The following TULP3 variants were observed in gnomAD, a reference collection of about 807,000 sequenced individuals.
The protein encoded by TULP3 is TUB like protein 3, also known as tubby-related protein 3.
In TULP3, 38 loss-of-function variants were observed where a neutral mutation model predicts 50.7. That is an observed-to-expected ratio of 0.75 (90% CI 0.58 to 0.98). The LOEUF is 0.98. Ranked by LOEUF, TULP3 falls within the 50% of genes least tolerant of loss-of-function variation. The pLI is 0.00. For missense variants in TULP3, 550 were observed against 568.0 expected (o/e 0.97, Z 0.32); for synonymous variants, 183 against 196.6 (o/e 0.93, Z 0.58).
At chr12:2,892,461 A>G (rs78832349) in intron 1 of TULP3, among the ~76,000 whole-genome samples, 73,653 of 150,658 alleles carry the variant, frequency 0.49, 18,644 homozygotes, top group African/African-American at 0.64. Flanking sequence ...TTTTTTGGGG[A>G]AAAAAAAACG....
chr12:2,895,456 A>T (rs1256062798), intron 1 of TULP3, among the ~76,000 whole-genome samples: 36 of 152,222 alleles, frequency 2.4e-4, no homozygotes, highest in Admixed American at 2.4e-3. Flanking sequence ...GACACTTCTC[A>T]TATGACCTTT....
intron 1 of TULP3, among the ~76,000 whole-genome samples, chr12:2,894,308 GGGA>G (rs61013194): frequency 0.46 from 62,740 of 137,334 alleles, 15,110 homozygotes; most frequent in African/African-American, 0.57. Flanking sequence ...GGCGGGGGGG[GGGA>G]AATCACCTGA....
intron 1 of TULP3, among the ~76,000 whole-genome samples, chr12:2,892,715 T>C (rs1030179107): frequency 6.6e-6 from 1 of 152,084 alleles, no homozygotes; most frequent in Admixed American, 6.6e-5. Flanking sequence ...CTTCACCATG[T>C]TGGCCAAGAT....
At position 2,930,236 on chromosome 12, in the gene TULP3, C is replaced by A; in HGVS notation, c.395-12C>A. 6.3e-7 allele frequency: 1 copy of A among 1,596,282 alleles called. No individual in the cohort carries two copies. Among genetic ancestry groups the A allele is most frequent in the Admixed American group, 1.7e-5 (1 of 59,084 alleles). On this transcript the variant is annotated splice_polypyrimidine_tract_variant and intron_variant, in intron 4 of 10. Coordinates refer to ENST00000448120, the MANE Select transcript of TULP3 (RefSeq NM_003324.5). ...GTGTTGGCAGTGCTAACAGTTCTTC[C>A]TTTTCTGCTAGATATCTCTGAAAGT...
intron 6 of TULP3, among the ~76,000 whole-genome samples, chr12:2,931,883 G>A (rs2098198265): frequency 6.6e-6 from 1 of 152,122 alleles, no homozygotes; most frequent in African/African-American, 2.4e-5. Context: ...AATCCTTGCA[G>A]CCACCTTGTT....
At chr12:2,891,204 C>T (rs1317580270) in intron 1 of TULP3, among the ~76,000 whole-genome samples, 1 of 152,264 alleles carries the variant, frequency 6.6e-6, no homozygotes, top group African/African-American at 2.4e-5. Context: ...CATCCCGCGC[C>T]GTGGGCAGAG....
intron 1 of TULP3, among the ~76,000 whole-genome samples, chr12:2,904,008 T>C (rs1355324023): frequency 4.6e-5 from 7 of 152,108 alleles, no homozygotes; most frequent in Non-Finnish European, 1.0e-4. Context: ...GGTCTTGAAC[T>C]CCTGACCTCG....
rs74054794 is a variant in TULP3, at chr12:2,909,304, T to G, written c.42-225T>G. Among the ~76,000 whole-genome samples, 413 of 152,318 alleles carry G rather than the reference T, an allele frequency of 2.7e-3. 3 individuals are homozygous for G. Among genetic ancestry groups the G allele is most frequent in the African/African-American group, 9.4e-3 (391 of 41,578 alleles). ...TGGGGTCTGTGTTTTCATCTTTTTC[T>G]TGTCCTTGGAGTATTTCAGTCTCCT... On this transcript the variant is annotated intron_variant, in intron 1 of 10. Transcript: ENST00000448120.
At chr12:2,932,097 A>G (rs1341628410) in intron 6 of TULP3, among the ~76,000 whole-genome samples, 1 of 152,204 alleles carries the variant, frequency 6.6e-6, no homozygotes, top group Admixed American at 6.5e-5. Context: ...GGATGCCTAT[A>G]TAGGATGGTA....
intron 2 of TULP3, among the ~76,000 whole-genome samples, chr12:2,917,413 A>C (rs538617755): frequency 1.3e-5 from 2 of 151,800 alleles, no homozygotes; most frequent in Non-Finnish European, 2.9e-5. Context: ...CAGAGGTTGC[A>C]GTGAGCCGAG....
At chr12:2,919,106 G>A (rs2098190321) in intron 2 of TULP3, among the ~76,000 whole-genome samples, 2 of 151,890 alleles carry the variant, frequency 1.3e-5, no homozygotes, top group South Asian at 2.1e-4. Flanking sequence ...TGGCCAGGGT[G>A]GTCTCAAACT....
At chr12:2,917,208 A>G (rs2153949337) in intron 2 of TULP3, among the ~76,000 whole-genome samples, 1 of 152,312 alleles carries the variant, frequency 6.6e-6, no homozygotes, top group South Asian at 2.1e-4. Flanking sequence ...CTAAGAAGTT[A>G]AACTTCAAAT....
rs575933969 is a variant in TULP3, at chr12:2,930,688, G to A, written c.492+343G>A. ...TCCGCCCGCCTCAGCCTCCCAAAGT[G>A]CTGGGATTACAGGCATGAGCCACCG... On this transcript the variant is annotated intron_variant, in intron 5 of 10. Transcript: ENST00000448120. 2.6e-5 allele frequency among the ~76,000 whole-genome samples: 4 copies of A among 152,220 alleles called. No individual in the cohort carries two copies. In the East Asian group the frequency reaches 7.7e-4, roughly 29 times the overall value.
chr12:2,915,015 G>A (rs539019401), intron 2 of TULP3, among the ~76,000 whole-genome samples: 1 of 151,708 alleles, frequency 6.6e-6, no homozygotes. Flanking sequence ...TGAGACAAGA[G>A]TGTAGCCCTG....
intron 3 of TULP3, 110 bp from the exon 4 acceptor site, chr12:2,922,152 C>A (rs2153949638): frequency 7.9e-7 from 1 of 1,267,100 alleles, no homozygotes; most frequent in Non-Finnish European, 1.1e-6. Context: ...GAAAGGAGGG[C>A]AGATAAAATG....
At chr12:2,930,433 G>A in intron 5 of TULP3, 88 bp downstream of exon 5, 1 of 924,224 alleles carries the variant, frequency 1.1e-6, no homozygotes, top group South Asian at 1.9e-5. Flanking sequence ...TTATTATTAT[G>A]TATTTTTTGA....
chr12:2,929,773 T>G (rs1256995099), intron 4 of TULP3, among the ~76,000 whole-genome samples: 1 of 152,030 alleles, frequency 6.6e-6, no homozygotes, highest in Non-Finnish European at 1.5e-5. Flanking sequence ...TGTATTTTAG[T>G]AGAGATGGGG....
At position 2,940,745 on chromosome 12, in the gene TULP3, C is replaced by A; in HGVS notation, c.*1301C>A. The A allele has an allele frequency of 1.3e-6, 2 of 1,539,332 alleles. No homozygotes were observed. Among genetic ancestry groups the A allele is most frequent in the Non-Finnish European group, 8.8e-7 (1 of 1,139,832 alleles). On this transcript the variant is annotated 3_prime_UTR_variant, in exon 11 of 11. Transcript: ENST00000448120. Reference sequence around the variant, plus strand: ...CATGTGAAGGAGGGCCAACTGGCAGCTGCGGGACCCTTGGCTTGTCCCCCA... The same window carrying A: ...CATGTGAAGGAGGGCCAACTGGCAGATGCGGGACCCTTGGCTTGTCCCCCA...
intron 8 of TULP3, 32 bp downstream of exon 8, chr12:2,934,593 C>CCTT: frequency 6.8e-7 from 1 of 1,459,968 alleles, no homozygotes; most frequent in Non-Finnish European, 9.3e-7. Context: ...CCGCTGCCTG[C>CCTT]CCTCCTGGTG....
Sources: allele counts gnomAD v4.1 joint callset (sites outside exome capture counted in the v4.1 genomes callset), GRCh38; gene constraint gnomAD v4.1.1; transcripts MANE v1.5; gene names NCBI Gene and HGNC (gene_info 2026-07-23, HGNC 2026-07-21).